Variants in MBOAT2 observed in about 807,000 individuals in gnomAD.
MBOAT2 encodes the protein membrane-bound glycerophospholipid O-acyltransferase 2.
MBOAT2 carries 28 observed loss-of-function variants against 63.4 expected under a neutral mutation model. That is an observed-to-expected ratio of 0.44 (90% CI 0.33 to 0.61). MBOAT2 has a LOEUF of 0.61. Ranked by LOEUF, MBOAT2 falls within the 20% of genes least tolerant of loss-of-function variation. The pLI, the probability that MBOAT2 is intolerant of heterozygous loss-of-function variation, is 0.03. For missense variants in MBOAT2, 470 were observed against 605.8 expected (o/e 0.78, Z 2.35); for synonymous variants, 211 against 215.6 (o/e 0.98, Z 0.19).
chr2:8,871,030 T>G (rs1662280473), intron 8 of MBOAT2, among the ~76,000 whole-genome samples: 1 of 152,136 alleles, frequency 6.6e-6, no homozygotes, highest in African/African-American at 2.4e-5. Flanking sequence ...GGTCTCACTC[T>G]GTTACCCAGG....
At chr2:8,987,264 T>C (rs1671636052) in intron 1 of MBOAT2, among the ~76,000 whole-genome samples, 1 of 152,186 alleles carries the variant, frequency 6.6e-6, no homozygotes, top group South Asian at 2.1e-4. Flanking sequence ...ATCATATTTA[T>C]ATTATGACCA....
intron 4 of MBOAT2, among the ~76,000 whole-genome samples, chr2:8,890,737 C>A (rs1382812234): frequency 6.6e-6 from 1 of 152,132 alleles, no homozygotes; most frequent in South Asian, 2.1e-4. Context: ...CCAGGCTGGT[C>A]TCAAACTCCT....
At chr2:8,942,154 A>G (rs1162303789) in intron 3 of MBOAT2, among the ~76,000 whole-genome samples, 2 of 152,236 alleles carry the variant, frequency 1.3e-5, no homozygotes, top group Non-Finnish European at 2.9e-5. Context: ...CAGTGCAGGC[A>G]ATGTCAATGG....
At chr2:8,979,495 T>C (rs1671056391) in intron 1 of MBOAT2, among the ~76,000 whole-genome samples, 1 of 152,132 alleles carries the variant, frequency 6.6e-6, no homozygotes, top group Non-Finnish European at 1.5e-5. Flanking sequence ...ACCGTGATTC[T>C]TATCTGTTTT....
At chr2:8,860,875 C>CA in intron 11 of MBOAT2, 111 bp from the exon 12 acceptor site, 1 of 868,494 alleles carries the variant, frequency 1.2e-6, no homozygotes, top group Admixed American at 3.0e-5. Flanking sequence ...AACTGAAACT[C>CA]TCCTAAGTTG....
At chr2:8,919,792 G>A (rs939532058) in intron 3 of MBOAT2, among the ~76,000 whole-genome samples, 8 of 151,998 alleles carry the variant, frequency 5.3e-5, no homozygotes, top group African/African-American at 1.9e-4. Context: ...GGTTCTCGCT[G>A]TTTCCCAGGC....
intron 4 of MBOAT2, among the ~76,000 whole-genome samples, chr2:8,901,749 T>A (rs1664942902): frequency 6.6e-6 from 1 of 152,206 alleles, no homozygotes; most frequent in Admixed American, 6.5e-5. Flanking sequence ...ATTATGTCTT[T>A]CTGATTGGTG....
Position 8,864,148 on chromosome 2 carries a change from G to A in MBOAT2, c.1052+22C>T, listed in dbSNP as rs771727925. 6.5e-6 allele frequency: 10 copies of A among 1,533,764 alleles called. No homozygotes were observed. The East Asian group carries it at 7.1e-5, about 11-fold the overall frequency. ...AACTAGACGCCAAAGCACATCTAAA[G>A]ATCGTTTTTGAAGGAACGCACCTTT... On this transcript the variant is annotated intron_variant, in intron 10 of 12. Coordinates refer to ENST00000305997, the MANE Select transcript of MBOAT2 (RefSeq NM_138799.4).
intron 9 of MBOAT2, among the ~76,000 whole-genome samples, chr2:8,865,041 G>A (rs1169521544): frequency 3.3e-5 from 5 of 152,160 alleles, no homozygotes; most frequent in South Asian, 2.1e-4. Flanking sequence ...ACATTTGTGC[G>A]CTGAGTGCAG....
In MBOAT2 at chr2:8,929,750, C is replaced by T. The variant is rs532420297; in HGVS notation, c.299+13437G>A. Among the ~76,000 whole-genome samples the T allele has an allele frequency of 1.8e-4, 27 of 152,290 alleles. 1 individual carries two copies. Among genetic ancestry groups the T allele is most frequent in the Non-Finnish European group, 7.4e-5 (5 of 68,022 alleles). On this transcript the variant is annotated intron_variant, in intron 3 of 12. Transcript: ENST00000305997. ...TTTGGGTATATATCTAGTAATGGGA[C>T]TGCTGGGTCAAATGGTTATTTGAGA...
intron 4 of MBOAT2, among the ~76,000 whole-genome samples, chr2:8,905,122 C>T (rs1035235741): frequency 1.3e-5 from 2 of 152,168 alleles, no homozygotes; most frequent in African/African-American, 4.8e-5. Flanking sequence ...TTTCTAGCAT[C>T]AGAGCAACAG....
intron 3 of MBOAT2, among the ~76,000 whole-genome samples, chr2:8,940,042 C>T (rs1176171756): frequency 2.0e-5 from 3 of 151,868 alleles, no homozygotes; most frequent in Non-Finnish European, 4.4e-5. Flanking sequence ...TTTCCAGCTA[C>T]ACGTCCTCAG....
intron 4 of MBOAT2, among the ~76,000 whole-genome samples, chr2:8,904,018 C>A (rs140895179): frequency 2.4e-3 from 370 of 151,954 alleles, no homozygotes; most frequent in African/African-American, 8.1e-3. Context: ...GCTCTGTCGC[C>A]CAGGCTGGAG....
intron 5 of MBOAT2, among the ~76,000 whole-genome samples, chr2:8,882,846 C>A (rs1390177004): frequency 1.3e-5 from 2 of 152,030 alleles, no homozygotes; most frequent in African/African-American, 2.4e-5. Flanking sequence ...TGTTATTATC[C>A]TTAATCGTAA....
At chr2:8,887,502 G>A (rs774089344) in intron 5 of MBOAT2, among the ~76,000 whole-genome samples, 1 of 152,126 alleles carries the variant, frequency 6.6e-6, no homozygotes, top group African/African-American at 2.4e-5. Context: ...AGGATGCTTC[G>A]TTTCTTCAGT....
At chr2:8,885,711 C>G (rs943506779) in intron 5 of MBOAT2, among the ~76,000 whole-genome samples, 1 of 152,156 alleles carries the variant, frequency 6.6e-6, no homozygotes, top group Non-Finnish European at 1.5e-5. Context: ...GGCAAGCAGG[C>G]TCTATTATAT....
rs886764874 is a variant in MBOAT2 at position 8,882,559 on chromosome 2, A to C, written c.458T>G (p.Phe153Cys). The C allele has an allele frequency of 7.4e-6, 12 of 1,614,106 alleles. No homozygotes were observed. The highest frequency in any genetic ancestry group is 1.7e-5 in the Admixed American group (1 of 60,012). The stretch of plus-strand genomic sequence containing the variant: ...GGAAGTCAGTTCTTCATCCTTCCGA[A>C]ACATCCCTGAGAAACAAAAATAGGT... ...SLACEIHDGMFRKDEELTSSQ... is the reference protein window; with the variant it reads ...SLACEIHDGMCRKDEELTSSQ... Residue 153 changes from phenylalanine to cysteine, a missense_variant, in exon 6 of 13, where the codon TTT becomes TGT. Phe to Cys is a radical substitution (Grantham distance 205). This residue lies in a region of MBOAT2 where 376 missense variants were observed against 503.8 expected (regional missense o/e 0.75). Transcript: ENST00000305997.
Position 8,903,610 on chromosome 2 carries a change from G to A in MBOAT2, c.395+5011C>T, listed in dbSNP as rs528131423. Among the ~76,000 whole-genome samples the A allele has an allele frequency of 4.1e-4, 63 of 152,246 alleles. No homozygotes were observed. The South Asian group carries it at 0.013, about 31-fold the overall frequency. On this transcript the variant is annotated intron_variant, in intron 4 of 12. Coordinates refer to ENST00000305997, the MANE Select transcript of MBOAT2 (RefSeq NM_138799.4). ...AATCTATTATCTCTACCTGGGGCAA[G>A]GATTCACCTTTCTCTTCTCTTTCCA...
At chr2:8,965,662 C>CTAGA (rs764383846) in intron 1 of MBOAT2, among the ~76,000 whole-genome samples, 4 of 152,124 alleles carry the variant, frequency 2.6e-5, no homozygotes, top group Non-Finnish European at 5.9e-5. Context: ...CTCCCTCTTA[C>CTAGA]TAGAACACGA....
Sources: gnomAD v4.1 joint callset for allele counts (sites outside exome capture counted in the v4.1 genomes callset) on GRCh38, gnomAD v4.1.1 for gene constraint, gnomAD v4.1.1 regional missense constraint, MANE v1.5 for transcripts, NCBI Gene and HGNC (gene_info 2026-07-23, HGNC 2026-07-21) for gene names.